GTF2E1: variants seen among roughly 807,000 people sequenced by gnomAD.
GTF2E1 encodes the protein TFIIE alpha subunit.
Under a neutral mutation model 34.9 loss-of-function variants are expected in GTF2E1, and 14 were observed. The observed-to-expected ratio is 0.40, with a 90% CI of 0.27 to 0.63. The LOEUF is 0.63. Among genes scored for constraint, GTF2E1 ranks in the 20% least tolerant of loss-of-function variants. The pLI is 0.39. For synonymous variants in GTF2E1, 188 were observed against 192.9 expected (o/e 0.97, Z 0.21); for missense variants, 469 against 557.7 (o/e 0.84, Z 1.60).
At chr3:120,768,557 G>C (rs1709327365) in intron 2 of GTF2E1, among the ~76,000 whole-genome samples, 1 of 152,110 alleles carries the variant, frequency 6.6e-6, no homozygotes, top group Non-Finnish European at 1.5e-5. Flanking sequence ...GAAAACTACA[G>C]AACTAGATAA....
chr3:120,750,685 G>A lies in GTF2E1; in HGVS notation c.133G>A (p.Glu45Lys), dbSNP rs751623213. The A allele has an allele frequency of 5.0e-6, 8 of 1,614,026 alleles. No individual in the cohort carries two copies. Among genetic ancestry groups the A allele is most frequent in the Non-Finnish European group, 6.8e-6 (8 of 1,179,900 alleles). The change falls in exon 2 of 5, where the codon GAG becomes AAG. Residue 45 changes from glutamate to lysine, a missense_variant. Glu to Lys is a moderately conservative substitution (Grantham distance 56, BLOSUM62 1). Transcript: ENST00000283875. ...DILIRNSCVK[E>K]EDMLELLKFD... Reference sequence around the variant, plus strand: ...CTTGATCAGGAACTCCTGTGTGAAAGAGGAGGATATGCTGGAGCTGCTCAA... The same window carrying A: ...CTTGATCAGGAACTCCTGTGTGAAAAAGGAGGATATGCTGGAGCTGCTCAA...
intron 2 of GTF2E1, among the ~76,000 whole-genome samples, chr3:120,769,936 T>C (rs572159148): frequency 6.6e-6 from 1 of 152,186 alleles, no homozygotes; most frequent in Non-Finnish European, 1.5e-5. Context: ...GTAAAGAAAA[T>C]TATTATACTG....
chr3:120,774,971 C>T (rs1215219887), intron 3 of GTF2E1, among the ~76,000 whole-genome samples: 1 of 152,060 alleles, frequency 6.6e-6, no homozygotes. Flanking sequence ...CTATAGATAT[C>T]CAGAGGCAGG....
chr3:120,758,571 C>T (rs1206392240), intron 2 of GTF2E1, among the ~76,000 whole-genome samples: 7 of 116,054 alleles, frequency 6.0e-5, no homozygotes, highest in Non-Finnish European at 1.1e-4. Context: ...ATCCCTCCCC[C>T]AGCCTCCCAC....
In GTF2E1 at chr3:120,746,675, C is replaced by A. The variant is rs376361273; in HGVS notation, c.-30-3848C>A. 7.7e-4 allele frequency among the ~76,000 whole-genome samples: 117 copies of A among 152,106 alleles called. 1 individual carries two copies. Among genetic ancestry groups the A allele is most frequent in the African/African-American group, 2.7e-3 (113 of 41,466 alleles). ...TTAGTCAGTCATGGTGGTGTCCACC[C>A]GTAGTCTCAGCTACTGGGGAGTTTG... On this transcript the variant is annotated intron_variant, in intron 1 of 4. Transcript: ENST00000283875.
At chr3:120,749,230 T>C (rs561999438) in intron 1 of GTF2E1, among the ~76,000 whole-genome samples, 21 of 152,088 alleles carry the variant, frequency 1.4e-4, no homozygotes, top group African/African-American at 4.8e-4. Context: ...CTTTTCCTAA[T>C]TGAATACCCT....
intron 1 of GTF2E1, among the ~76,000 whole-genome samples, chr3:120,746,781 G>A (rs1559828673): frequency 6.6e-6 from 1 of 152,198 alleles, no homozygotes; most frequent in South Asian, 2.1e-4. Flanking sequence ...CTGGACAACA[G>A]AGCAAGACAC....
chr3:120,769,397 G>A (rs776728872), intron 2 of GTF2E1, among the ~76,000 whole-genome samples: 40 of 152,118 alleles, frequency 2.6e-4, no homozygotes, highest in Non-Finnish European at 5.1e-4. Context: ...ATGAAATGTC[G>A]GTAAGATGAT....
chr3:120,744,405 C>T (rs1709086725), intron 1 of GTF2E1, among the ~76,000 whole-genome samples: 1 of 152,118 alleles, frequency 6.6e-6, no homozygotes, highest in Non-Finnish European at 1.5e-5. Flanking sequence ...TGATTTCATT[C>T]CTGAGCTCTA....
intron 4 of GTF2E1, among the ~76,000 whole-genome samples, chr3:120,777,197 A>T (rs766273353): frequency 5.3e-5 from 8 of 152,220 alleles, no homozygotes; most frequent in Non-Finnish European, 8.8e-5. Context: ...TTTCTGAGGC[A>T]TAAAGGGTTA....
At chr3:120,756,047 A>G (rs753828907) in intron 2 of GTF2E1, among the ~76,000 whole-genome samples, 4 of 152,172 alleles carry the variant, frequency 2.6e-5, no homozygotes, top group African/African-American at 4.8e-5. Context: ...AATCTTAGCT[A>G]TTGTGAACAG....
At chr3:120,777,345 C>T (rs1709410046) in intron 4 of GTF2E1, among the ~76,000 whole-genome samples, 2 of 152,126 alleles carry the variant, frequency 1.3e-5, no homozygotes, top group South Asian at 2.1e-4. Context: ...AAATGGATGA[C>T]GATGACTCAA....
At chr3:120,744,839 C>G (rs1347430312) in intron 1 of GTF2E1, among the ~76,000 whole-genome samples, 1 of 152,098 alleles carries the variant, frequency 6.6e-6, no homozygotes, top group East Asian at 1.9e-4. Context: ...TAATTGAACT[C>G]TTATGCCAGC....
At chr3:120,756,003 A>G (rs376261506) in intron 2 of GTF2E1, among the ~76,000 whole-genome samples, 7 of 152,192 alleles carry the variant, frequency 4.6e-5, no homozygotes, top group East Asian at 3.8e-4. Flanking sequence ...TTCTTTATCT[A>G]GTCATCTGTT....
chr3:120,751,093 A>G, intron 2 of GTF2E1, 93 bp downstream of exon 2: 1 of 758,330 alleles, frequency 1.3e-6, no homozygotes, highest in Non-Finnish European at 2.1e-6. Flanking sequence ...CATCATATAT[A>G]TTATTATAAA....
Position 120,781,445 on chromosome 3 carries a change from G to T in GTF2E1, c.1295G>T (p.Arg432Leu). Residue 432 changes from arginine (R) to leucine (L), a missense_variant, in exon 5 of 5, where the codon CGC becomes CTC. Transcript: ENST00000283875. ...EKEAYIAMGQ[R>L]MFEDLFE is the part of the protein sequence containing the mutation. Reference sequence around the variant, plus strand: ...GAAGCATATATAGCAATGGGACAACGCATGTTTGAGGACCTCTTTGAGTGA... The same window carrying T: ...GAAGCATATATAGCAATGGGACAACTCATGTTTGAGGACCTCTTTGAGTGA... 6.2e-7 allele frequency: 1 copy of T among 1,613,330 alleles called. No individual in the cohort carries two copies. The highest frequency in any genetic ancestry group is 8.5e-7 in the Non-Finnish European group (1 of 1,179,296).
chr3:120,752,467 C>T (rs1000174333), intron 2 of GTF2E1, among the ~76,000 whole-genome samples: 2 of 152,102 alleles, frequency 1.3e-5, no homozygotes, highest in Non-Finnish European at 2.9e-5. Context: ...TTATCCAGTC[C>T]CTTAGAGTAA....
chr3:120,774,828 C>A (rs1281652724), intron 3 of GTF2E1, among the ~76,000 whole-genome samples: 1 of 152,084 alleles, frequency 6.6e-6, no homozygotes, highest in Non-Finnish European at 1.5e-5. Flanking sequence ...TACAAAGTAG[C>A]CCTGGGCACA....
chr3:120,765,455 C>T (rs1709299615), intron 2 of GTF2E1, among the ~76,000 whole-genome samples: 1 of 152,088 alleles, frequency 6.6e-6, no homozygotes, highest in Admixed American at 6.6e-5. Context: ...ATCTTTTCTC[C>T]TTCTATTCAA....
Sources: gnomAD v4.1 joint callset for allele counts (sites outside exome capture counted in the v4.1 genomes callset) on GRCh38, gnomAD v4.1.1 for gene constraint, MANE v1.5 for transcripts, NCBI Gene and HGNC (gene_info 2026-07-23, HGNC 2026-07-21) for gene names.